The following ADARB2 variants were observed in gnomAD, a reference collection of about 807,000 sequenced individuals.
ADARB2 encodes adenosine deaminase RNA specific B2 (inactive).
Under a neutral mutation model 62.2 loss-of-function variants are expected in ADARB2, and 25 were observed. The ratio of observed to expected loss-of-function variants is 0.40; its 90% CI spans 0.29 to 0.56. The LOEUF is 0.56. Among genes scored for constraint, ADARB2 ranks in the 20% least tolerant of loss-of-function variants. ADARB2 has a pLI of 0.43. For synonymous variants in ADARB2, 572 were observed against 500.8 expected, an observed-to-expected ratio of 1.14 and a Z score of -1.90; for missense variants, 1,071 against 1,077.4, an observed-to-expected ratio of 0.99 and a Z score of 0.08.
chr10:1,268,326 A>G (rs927061624), intron 4 of ADARB2, among the ~76,000 whole-genome samples: 14 of 152,138 alleles, frequency 9.2e-5, no homozygotes, highest in Admixed American at 2.6e-4. Flanking sequence ...TAGAATCTTT[A>G]CCATATGACT....
At chr10:1,519,784 T>A (rs112338912) in intron 1 of ADARB2, among the ~76,000 whole-genome samples, 203 of 152,282 alleles carry the variant, frequency 1.3e-3, no homozygotes, top group African/African-American at 4.8e-3. Context: ...CTTGTAACTC[T>A]TACCTCCCTT....
intron 8 of ADARB2, chr10:1,187,930 G>A (rs566823870): frequency 3.0e-5 from 10 of 331,266 alleles, no homozygotes; most frequent in South Asian, 1.3e-4. Context: ...CTGTGATGAC[G>A]TAAATCACAC....
intron 3 of ADARB2, among the ~76,000 whole-genome samples, chr10:1,324,398 G>C (rs989085866): frequency 3.3e-5 from 5 of 152,198 alleles, no homozygotes; most frequent in African/African-American, 1.2e-4. Context: ...TTACCCCAGA[G>C]GGCATGGAAA....
chr10:1,664,418 C>T (rs1834288545), intron 1 of ADARB2, among the ~76,000 whole-genome samples: 1 of 152,218 alleles, frequency 6.6e-6, no homozygotes, highest in African/African-American at 2.4e-5. Context: ...CCTGCACTCC[C>T]ACCAGCAATG....
intron 1 of ADARB2, among the ~76,000 whole-genome samples, chr10:1,513,466 A>G (rs765400951): frequency 5.9e-5 from 9 of 152,304 alleles, no homozygotes; most frequent in Middle Eastern, 3.4e-3. Context: ...TCCGTGGCTC[A>G]GGATCCTCTT....
chr10:1,209,565 A>ATGCCCGTGCCTACACTGTCGCC (rs1837120319), intron 7 of ADARB2, among the ~76,000 whole-genome samples: 1 of 114,200 alleles, frequency 8.8e-6, no homozygotes, highest in South Asian at 3.3e-4. Flanking sequence ...ACCCACACCC[A>ATGCCCGTGCCTACACTGTCGCC]CATCATCACC....
At chr10:1,332,540 A>G (rs1404321942) in intron 3 of ADARB2, among the ~76,000 whole-genome samples, 2 of 143,916 alleles carry the variant, frequency 1.4e-5, no homozygotes, top group African/African-American at 5.2e-5. Context: ...TAAAAATATT[A>G]CAGTAAAGAA....
chr10:1,623,243 A>T (rs975542207), intron 1 of ADARB2, among the ~76,000 whole-genome samples: 1 of 152,230 alleles, frequency 6.6e-6, no homozygotes, highest in Non-Finnish European at 1.5e-5. Context: ...ACATCCATGA[A>T]GCCCACATTC....
At chr10:1,512,244 C>A (rs1022986069) in intron 1 of ADARB2, among the ~76,000 whole-genome samples, 4 of 151,950 alleles carry the variant, frequency 2.6e-5, no homozygotes, top group Non-Finnish European at 5.9e-5. Flanking sequence ...ATGCTGTCTA[C>A]ACTGGACACC....
intron 1 of ADARB2, among the ~76,000 whole-genome samples, chr10:1,409,234 G>T (rs1209229212): frequency 6.6e-6 from 1 of 151,486 alleles, no homozygotes; most frequent in Admixed American, 6.6e-5. Context: ...GCCCCGCCCT[G>T]CCTGACAGCG....
At chr10:1,440,790 G>A (rs1830896345) in intron 1 of ADARB2, among the ~76,000 whole-genome samples, 1 of 152,212 alleles carries the variant, frequency 6.6e-6, no homozygotes, top group Admixed American at 6.5e-5. Flanking sequence ...GCCAGGAGAT[G>A]AAACTGTTTT....
At chr10:1,551,962 C>T (rs1018378957) in intron 1 of ADARB2, among the ~76,000 whole-genome samples, 1 of 152,340 alleles carries the variant, frequency 6.6e-6, no homozygotes, top group African/African-American at 2.4e-5. Flanking sequence ...AGCGTGGCCA[C>T]CCCAGGGGGG....
At chr10:1,544,296 G>A (rs370345404) in intron 1 of ADARB2, among the ~76,000 whole-genome samples, 52 of 152,344 alleles carry the variant, frequency 3.4e-4, no homozygotes, top group African/African-American at 1.1e-3. Context: ...AGCCCCTCCC[G>A]TTGGTCACCA....
chr10:1,533,561 C>T (rs923698088), intron 1 of ADARB2, among the ~76,000 whole-genome samples: 2 of 152,200 alleles, frequency 1.3e-5, no homozygotes, highest in African/African-American at 4.8e-5. Context: ...CAAGGCCATG[C>T]CACGTCCTGA....
chr10:1,231,759 T>C (rs1428343554), intron 6 of ADARB2, among the ~76,000 whole-genome samples: 1 of 152,082 alleles, frequency 6.6e-6, no homozygotes, highest in African/African-American at 2.4e-5. Context: ...TGCCAGAGGA[T>C]CCACTTACAG....
intron 2 of ADARB2, among the ~76,000 whole-genome samples, chr10:1,370,962 A>G (rs998647317): frequency 6.6e-5 from 10 of 152,268 alleles, no homozygotes; most frequent in African/African-American, 1.9e-4. Context: ...CCTAAAGTTC[A>G]TATAAAACCA....
At chr10:1,400,642 C>T (rs368173028) in intron 1 of ADARB2, among the ~76,000 whole-genome samples, 6 of 152,316 alleles carry the variant, frequency 3.9e-5, no homozygotes, top group African/African-American at 7.2e-5. Flanking sequence ...ACTGCCAGCC[C>T]GTGCTCCTCC....
chr10:1,206,097 T>C (rs1341208040), intron 7 of ADARB2, among the ~76,000 whole-genome samples: 3 of 152,246 alleles, frequency 2.0e-5, no homozygotes, highest in Non-Finnish European at 4.4e-5. Flanking sequence ...AGGCCACACA[T>C]ATCTCATTTC....
chr10:1,467,715 G>A (rs1423426426), intron 1 of ADARB2, among the ~76,000 whole-genome samples: 3 of 152,194 alleles, frequency 2.0e-5, no homozygotes, highest in Admixed American at 6.5e-5. Context: ...AGGCAGGGCC[G>A]GCACACCCTG....
Sources: allele counts gnomAD v4.1 joint callset (sites outside exome capture counted in the v4.1 genomes callset), GRCh38; gene constraint gnomAD v4.1.1; transcripts MANE v1.5; gene names NCBI Gene and HGNC (gene_info 2026-07-23, HGNC 2026-07-21).